The following CMSS1 variants were observed in gnomAD, a reference collection of about 807,000 sequenced individuals.
CMSS1 encodes cms1 ribosomal small subunit homolog.
In CMSS1, 33 loss-of-function variants were observed where a neutral mutation model predicts 43.5. The observed-to-expected ratio is 0.76, with a 90% CI of 0.57 to 1.01. CMSS1 has a LOEUF of 1.01. CMSS1 is among the 50% of genes least tolerant of loss of function. CMSS1 has a pLI of 0.00. For synonymous variants in CMSS1, 115 were observed against 117.2 expected (o/e 0.98, Z 0.12); for missense variants, 313 against 326.4 (o/e 0.96, Z 0.32).
At chr3:99,959,061 GA>G (rs1333807406) in intron 1 of CMSS1, among the ~76,000 whole-genome samples, 1 of 152,136 alleles carries the variant, frequency 6.6e-6, no homozygotes, top group Non-Finnish European at 1.5e-5. Flanking sequence ...AAATGTAACA[GA>G]ATTTGAAAAC....
chr3:99,903,309 TG>T (rs1171818266), intron 1 of CMSS1, among the ~76,000 whole-genome samples: 1 of 152,040 alleles, frequency 6.6e-6, no homozygotes, highest in Non-Finnish European at 1.5e-5. Context: ...TGGAGTGCAG[TG>T]GCGTGATCTC....
rs941435467 is a variant in CMSS1 at position 100,180,148 on chromosome 3, T to G, written c.*1760T>G. On this transcript the variant is annotated 3_prime_UTR_variant, in exon 10 of 10. Coordinates refer to ENST00000421999, the MANE Select transcript of CMSS1 (RefSeq NM_032359.4). ...GCCCAGGGCCTAGCCCACGAAACCA[T>G]TTTTTTCCTCCTAGGCCTCTGGGCC... The G allele has an allele frequency of 1.9e-5, 1 of 52,690 alleles. No individual in the cohort carries two copies. Among genetic ancestry groups the G allele is most frequent in the African/African-American group, 8.9e-5 (1 of 11,252 alleles). The allele number at this position is 52,690 out of a possible 1,614,324, so 3.3% of individuals were successfully genotyped here. A position where few individuals can be genotyped will look rare whatever the true frequency, so the allele number is the denominator to read the frequency against.
chr3:100,092,855 A>G (rs1306492973), intron 1 of CMSS1, among the ~76,000 whole-genome samples: 1 of 151,618 alleles, frequency 6.6e-6, no homozygotes, highest in Non-Finnish European at 1.5e-5. Flanking sequence ...CATTCTTCTC[A>G]CAAGACAAAC....
chr3:100,161,354 G>T (rs974387685), intron 3 of CMSS1, among the ~76,000 whole-genome samples: 1 of 152,074 alleles, frequency 6.6e-6, no homozygotes, highest in African/African-American at 2.4e-5. Context: ...CTTTAACTTC[G>T]CTTTGATAAT....
chr3:100,102,527 T>C (rs544135753), intron 1 of CMSS1, among the ~76,000 whole-genome samples: 3 of 152,348 alleles, frequency 2.0e-5, no homozygotes, highest in East Asian at 3.9e-4. Context: ...CAGTATTTTA[T>C]CTGTACGTCT....
Position 99,966,072 on chromosome 3 carries a change from A to G in CMSS1, c.64+148029A>G, listed in dbSNP as rs74921744. ...GAGGTTAATAGGGGTACAGCACAAC[A>G]GTGTTGTAACACAGAAAGTGATATT... On this transcript the variant is annotated intron_variant, in intron 1 of 9. Transcript: ENST00000421999. Among the ~76,000 whole-genome samples the G allele has an allele frequency of 3.1e-3, 470 of 152,350 alleles. 5 individuals are homozygous for G. Among genetic ancestry groups the G allele is most frequent in the African/African-American group, 0.01 (431 of 41,570 alleles).
At chr3:99,947,461 C>G (rs1708045976) in intron 1 of CMSS1, among the ~76,000 whole-genome samples, 1 of 152,040 alleles carries the variant, frequency 6.6e-6, no homozygotes, top group Admixed American at 6.6e-5. Flanking sequence ...TCCTTCCTGC[C>G]CCACCCCCTT....
rs556075050 is a variant in CMSS1 at position 99,859,782 on chromosome 3, C to G, written c.64+41739C>G. Among the ~76,000 whole-genome samples, 433 of 147,338 alleles carry G rather than the reference C, an allele frequency of 2.9e-3. 1 individual carries two copies. Among genetic ancestry groups the G allele is most frequent in the South Asian group, 0.024 (112 of 4,588 alleles). On this transcript the variant is annotated intron_variant, in intron 1 of 9. Transcript: ENST00000421999. ...CTTTATTTGAGATAAATTTTGGTATCAGGCCTATAATTTATGTTTCCTTGC... is the reference window on the plus strand; with the variant it reads ...CTTTATTTGAGATAAATTTTGGTATGAGGCCTATAATTTATGTTTCCTTGC...
intron 1 of CMSS1, chr3:100,040,206 C>G (rs2065180380): frequency 6.6e-6 from 1 of 152,134 alleles, no homozygotes; most frequent in South Asian, 2.1e-4. Flanking sequence ...AGGTAACCAT[C>G]TCTTACCACT....
intron 1 of CMSS1, among the ~76,000 whole-genome samples, chr3:100,071,090 CTT>C (rs61563009): frequency 3.6e-3 from 255 of 70,572 alleles, no homozygotes; most frequent in African/African-American, 0.014. Context: ...GCTACTCTCT[CTT>C]TTTTTTTTTT....
chr3:100,045,555 A>G (rs2065266018), intron 1 of CMSS1, among the ~76,000 whole-genome samples: 1 of 152,030 alleles, frequency 6.6e-6, no homozygotes, highest in Non-Finnish European at 1.5e-5. Flanking sequence ...CCCCCTGAAA[A>G]ATCAGGGGAC....
chr3:100,067,324 A>G (rs528605289), intron 1 of CMSS1, among the ~76,000 whole-genome samples: 2 of 152,296 alleles, frequency 1.3e-5, no homozygotes, highest in East Asian at 1.9e-4. Flanking sequence ...TGGCCTACCT[A>G]TGGTGCAGGT....
intron 1 of CMSS1, chr3:99,833,391 T>A: frequency 1.4e-6 from 1 of 712,470 alleles, no homozygotes; most frequent in Non-Finnish European, 2.4e-6. Flanking sequence ...TACAGTGAGT[T>A]ATTAGAAGGC....
At chr3:100,014,874 C>CT (rs200759774) in intron 1 of CMSS1, among the ~76,000 whole-genome samples, 114 of 28,180 alleles carry the variant, frequency 4.0e-3, no homozygotes, top group Middle Eastern at 0.045. Flanking sequence ...TTTTTCTTTT[C>CT]TTTTTTTTTT....
At chr3:99,973,736 T>A (rs80017418) in intron 1 of CMSS1, among the ~76,000 whole-genome samples, 404 of 152,206 alleles carry the variant, frequency 2.7e-3, no homozygotes, top group Admixed American at 5.0e-3. Flanking sequence ...TTAAGCTCAC[T>A]TTTTTCCCCC....
intron 1 of CMSS1, among the ~76,000 whole-genome samples, chr3:99,971,738 G>A (rs1204928884): frequency 3.3e-5 from 5 of 152,118 alleles, no homozygotes; most frequent in South Asian, 2.1e-4. Flanking sequence ...GGATACACAC[G>A]GAACCTCAAA....
chr3:99,895,387 T>TC, intron 1 of CMSS1, among the ~76,000 whole-genome samples: 1 of 151,930 alleles, frequency 6.6e-6, no homozygotes, highest in African/African-American at 2.4e-5. Context: ...CTTTTTTTTT[T>TC]TTTTTTTTAC....
chr3:99,956,778 G>T (rs999399702), intron 1 of CMSS1, among the ~76,000 whole-genome samples: 10 of 152,044 alleles, frequency 6.6e-5, no homozygotes, highest in Non-Finnish European at 1.5e-5. Context: ...CACGCCCAGT[G>T]GTCCCACTTT....
chr3:100,112,662 T>C (rs1212214095), intron 1 of CMSS1, among the ~76,000 whole-genome samples: 2 of 152,240 alleles, frequency 1.3e-5, no homozygotes, highest in East Asian at 3.8e-4. Context: ...ATCTTTGTAT[T>C]GGTTAGTATA....
Sources: gnomAD v4.1 joint callset for allele counts (sites outside exome capture counted in the v4.1 genomes callset) on GRCh38, gnomAD v4.1.1 for gene constraint, MANE v1.5 for transcripts, NCBI Gene and HGNC (gene_info 2026-07-23, HGNC 2026-07-21) for gene names.